The following EVL variants were observed in gnomAD, a reference collection of about 807,000 sequenced individuals.
The protein encoded by EVL is ena/VASP-like protein.
In EVL, 21 loss-of-function variants were observed where a neutral mutation model predicts 59.6. The observed-to-expected ratio is 0.35, with a 90% CI of 0.25 to 0.51. The LOEUF (loss-of-function observed/expected upper bound fraction) is 0.51, where lower values mean the gene tolerates loss of function less well. Among genes scored for constraint, EVL ranks in the 20% least tolerant of loss-of-function variants. EVL has a pLI of 0.97. For synonymous variants in EVL, 198 were observed against 203.5 expected, an observed-to-expected ratio of 0.97 and a Z score of 0.23; for missense variants, 462 against 546.6, an observed-to-expected ratio of 0.85 and a Z score of 1.54.
intron 3 of EVL, among the ~76,000 whole-genome samples, chr14:100,103,262 G>T (rs543956158): frequency 2.6e-5 from 4 of 151,022 alleles, no homozygotes; most frequent in Admixed American, 2.0e-4. Context: ...ATGAGCTTGT[G>T]TTTTTGTTTT....
intron 1 of EVL, among the ~76,000 whole-genome samples, chr14:100,084,308 G>C (rs1296941214): frequency 1.3e-5 from 2 of 152,084 alleles, no homozygotes; most frequent in African/African-American, 2.4e-5. Context: ...GCCTCCCAAA[G>C]TGTTGAGATT....
At chr14:100,119,881 T>C (rs1035293833) in intron 3 of EVL, among the ~76,000 whole-genome samples, 1 of 152,170 alleles carries the variant, frequency 6.6e-6, no homozygotes, top group African/African-American at 2.4e-5. Context: ...TAGTACCTCA[T>C]GGGAACAAGA....
At chr14:100,041,902 TTA>T (rs1331022911) in intron 1 of EVL, among the ~76,000 whole-genome samples, 6 of 152,184 alleles carry the variant, frequency 3.9e-5, no homozygotes, top group African/African-American at 1.4e-4. Context: ...TGGGAATCAA[TTA>T]ATTGGAGAAC....
At chr14:100,106,311 C>T (rs1049940045) in intron 3 of EVL, 3 of 152,342 alleles carry the variant, frequency 2.0e-5, no homozygotes, top group African/African-American at 7.2e-5. Flanking sequence ...CTACTGCATC[C>T]GTCAAAAGAA....
chr14:100,037,664 C>T (rs952962864), intron 1 of EVL, among the ~76,000 whole-genome samples: 2 of 152,178 alleles, frequency 1.3e-5, no homozygotes, highest in African/African-American at 4.8e-5. Context: ...CCTTAGGTAT[C>T]CCCTTGTTCA....
chr14:99,983,055 G>T (rs1013788756), intron 1 of EVL, among the ~76,000 whole-genome samples: 1 of 152,060 alleles, frequency 6.6e-6, no homozygotes, highest in African/African-American at 2.4e-5. Context: ...CCCCACCCCA[G>T]CCTCACCACC....
At chr14:100,107,000 G>A in intron 3 of EVL, 2 of 398,686 alleles carry the variant, frequency 5.0e-6, no homozygotes, top group Non-Finnish European at 8.8e-6. Flanking sequence ...CCTGGAGCCG[G>A]GCTACGTTGG....
intron 3 of EVL, among the ~76,000 whole-genome samples, chr14:100,115,990 G>A (rs11850615): frequency 0.039 from 5,985 of 152,342 alleles, 407 homozygotes; most frequent in African/African-American, 0.14. Context: ...CCCTGGGCCG[G>A]GAGACATTTG....
chr14:100,101,047 T>TC (rs1721614592), intron 3 of EVL, among the ~76,000 whole-genome samples: 1 of 152,136 alleles, frequency 6.6e-6, no homozygotes, highest in African/African-American at 2.4e-5. Flanking sequence ...TGTTTCTGTG[T>TC]CAAACAATAT....
intron 1 of EVL, among the ~76,000 whole-genome samples, chr14:100,070,458 C>T (rs2062026167): frequency 6.6e-6 from 1 of 152,100 alleles, no homozygotes; most frequent in African/African-American, 2.4e-5. Context: ...TTGCAGTCTC[C>T]GTCATTCTGT....
intron 1 of EVL, among the ~76,000 whole-genome samples, chr14:100,027,494 T>C (rs7148533): frequency 0.02 from 3,077 of 152,290 alleles, 111 homozygotes; most frequent in African/African-American, 0.07. Context: ...TTAGTGAGAA[T>C]ATGTAGTATT....
At chr14:100,104,703 T>G (rs949607384) in intron 3 of EVL, among the ~76,000 whole-genome samples, 1 of 152,240 alleles carries the variant, frequency 6.6e-6, no homozygotes, top group Non-Finnish European at 1.5e-5. Flanking sequence ...ATAATAATTT[T>G]TATTGGAACT....
intron 3 of EVL, among the ~76,000 whole-genome samples, chr14:100,098,719 C>T (rs1885992152): frequency 6.6e-6 from 1 of 152,122 alleles, no homozygotes; most frequent in Non-Finnish European, 1.5e-5. Context: ...CTTGGGAGAA[C>T]TTGGTAGTTA....
rs367895252 is a variant in EVL at position 100,135,784 on chromosome 14, TAA to T, written c.901-118_901-117del. On this transcript the variant is annotated intron_variant, in intron 8 of 13. Coordinates refer to ENST00000392920, the MANE Select transcript of EVL (RefSeq NM_016337.3). ...TAAATATTTAATGTTTTGCTAATTA[TAA>T]AAGTCATATGTGTTCATTGGGAACA... 6.2e-5 allele frequency: 53 copies of T among 860,998 alleles called. No individual in the cohort carries two copies. In the African/African-American group the frequency reaches 8.0e-4, roughly 13 times the overall value. The allele number at this position is 860,998 out of a possible 1,614,324, so 53.3% of individuals were successfully genotyped here.
At chr14:100,097,995 T>C (rs1885937605) in intron 3 of EVL, among the ~76,000 whole-genome samples, 1 of 152,240 alleles carries the variant, frequency 6.6e-6, no homozygotes, top group South Asian at 2.1e-4. Context: ...CAGTCAAGAA[T>C]TTATTTTTGA....
Position 100,097,653 on chromosome 14 carries a change from A to G in EVL, c.353A>G (p.Glu118Gly). The G allele has an allele frequency of 6.2e-7, 1 of 1,609,746 alleles. No homozygotes were observed. The highest frequency in any genetic ancestry group is 1.3e-5 in the African/African-American group (1 of 74,862). ...LFALNIMNSQ[E>G]GGPSSQRQVQ... is the part of the protein sequence containing the mutation. Reference sequence around the variant, plus strand: ...GCCCTGAACATCATGAATTCCCAAGAAGGAGGTAAGTAGGGCTTTGTCTTG... The same window carrying G: ...GCCCTGAACATCATGAATTCCCAAGGAGGAGGTAAGTAGGGCTTTGTCTTG... Residue 118 changes from glutamate (E) to glycine (G), a missense_variant, in exon 3 of 14, where the codon GAA becomes GGA. By Grantham distance (98) the Glu-to-Gly change is moderately conservative (BLOSUM62 -2). Transcript: ENST00000392920.
chr14:100,123,162 T>C (rs1004014701), intron 3 of EVL, among the ~76,000 whole-genome samples: 14 of 152,154 alleles, frequency 9.2e-5, no homozygotes, highest in African/African-American at 3.4e-4. Context: ...TAGAACATCC[T>C]GGTGGGATGT....
At chr14:100,064,086 C>T (rs1164233314), upstream of EVL, among the ~76,000 whole-genome samples, 1 of 152,168 alleles carries the variant, frequency 6.6e-6, no homozygotes, top group African/African-American at 2.4e-5. Context: ...GCAACTAAAA[C>T]AGTGCTTAAA....
chr14:100,078,289 G>A (rs891669335), intron 1 of EVL, among the ~76,000 whole-genome samples: 1 of 152,148 alleles, frequency 6.6e-6, no homozygotes, highest in African/African-American at 2.4e-5. Flanking sequence ...AAAAACACTT[G>A]ACATAAAAGA....
Sources: allele counts gnomAD v4.1 joint callset (sites outside exome capture counted in the v4.1 genomes callset), GRCh38; gene constraint gnomAD v4.1.1; transcripts MANE v1.5; gene names NCBI Gene and HGNC (gene_info 2026-07-23, HGNC 2026-07-21).